SUGP1: variants seen among roughly 807,000 people sequenced by gnomAD.
SUGP1 encodes SURP and G-patch domain-containing protein 1.
A neutral mutation model predicts 76.5 loss-of-function variants in SUGP1; 34 were observed. The ratio of observed to expected loss-of-function variants is 0.44; its 90% CI spans 0.34 to 0.59. SUGP1 has a LOEUF of 0.59. SUGP1 is among the 20% of genes least tolerant of loss of function. The pLI is 0.01. For synonymous variants in SUGP1, 326 were observed against 326.2 expected, an observed-to-expected ratio of 1.00 and a Z score of 0.01; for missense variants, 752 against 851.7, an observed-to-expected ratio of 0.88 and a Z score of 1.46.
intron 2 of SUGP1, among the ~76,000 whole-genome samples, chr19:19,313,731 G>A (rs367722414): frequency 2.6e-4 from 39 of 152,030 alleles, no homozygotes; most frequent in African/African-American, 8.2e-4. Flanking sequence ...GGCCCGGCAC[G>A]GTGGCTCAAG....
Position 19,316,594 on chromosome 19 carries a change from C to T in SUGP1, c.35-1G>A. The T allele has an allele frequency of 6.2e-7, 1 of 1,613,818 alleles. No homozygotes were observed. Among genetic ancestry groups the T allele is most frequent in the Admixed American group, 1.7e-5 (1 of 59,982 alleles). On this transcript the variant is annotated splice_acceptor_variant, in intron 1 of 13. Coordinates refer to ENST00000247001, the MANE Select transcript of SUGP1 (RefSeq NM_172231.4). LOFTEE classifies it high-confidence loss of function. ...ACCCCAAACCACCGGTTAGCCTTTC[C>T]TGGGGAGGGAAAAGGAGTACGTCGG...
At chr19:19,284,258 G>C (rs1326208262) in intron 8 of SUGP1, among the ~76,000 whole-genome samples, 5 of 152,116 alleles carry the variant, frequency 3.3e-5, no homozygotes, top group Non-Finnish European at 7.3e-5. Context: ...GTGTGCCATT[G>C]CACTCCAACC....
chr19:19,280,078 G>A (rs984856373), intron 9 of SUGP1, 107 bp downstream of exon 9: 8 of 1,111,252 alleles, frequency 7.2e-6, no homozygotes, highest in Non-Finnish European at 1.0e-5. Context: ...CTGAACACAG[G>A]AGCTTGGCGA....
chr19:19,278,732 T>C lies in SUGP1; in HGVS notation c.1593A>G (p.Pro531=). 3.1e-6 allele frequency: 5 copies of C among 1,614,098 alleles called. No homozygotes were observed. Among genetic ancestry groups the C allele is most frequent in the Non-Finnish European group, 4.2e-6 (5 of 1,179,994 alleles). The change falls in exon 11 of 14, where the codon CCA becomes CCG. Residue 531 remains proline, a synonymous_variant. Transcript: ENST00000247001. ...GKHFIGDFLP[P]DELEKFMETF... ...TCTCCATAAACTTTTCCAGCTCGTCTGGAGGCAGGAAGTCTCCGATGAAGT... is the reference window on the plus strand; with the variant it reads ...TCTCCATAAACTTTTCCAGCTCGTCCGGAGGCAGGAAGTCTCCGATGAAGT...
chr19:19,308,383 G>C (rs535911768), intron 3 of SUGP1, among the ~76,000 whole-genome samples: 206 of 152,220 alleles, frequency 1.4e-3, no homozygotes, highest in Non-Finnish European at 2.3e-3. Context: ...GTTATCAGAC[G>C]TCTACCAAAG....
Position 19,280,216 on chromosome 19 carries a change from G to A in SUGP1, c.1319C>T (p.Ala440Val). ...CTGCTCCTTCAGCTGCTTCTTCTGGGCGTCTGAAAGCTCTGTGACGCCCAC... is the reference window on the plus strand; with the variant it reads ...CTGCTCCTTCAGCTGCTTCTTCTGGACGTCTGAAAGCTCTGTGACGCCCAC... ...GLVGVTELSD[A>V]QKKQLKEQQE... The change falls in exon 9 of 14, where the codon GCC becomes GTC. Residue 440 changes from alanine (A) to valine (V), a missense_variant. Transcript: ENST00000247001. 1 of 1,613,948 alleles carries A rather than the reference G, an allele frequency of 6.2e-7. No individual in the cohort carries two copies. Among genetic ancestry groups the A allele is most frequent in the Non-Finnish European group, 8.5e-7 (1 of 1,179,960 alleles).
Position 19,317,999 on chromosome 19 carries a change from T to C in SUGP1, c.35-1406A>G, listed in dbSNP as rs56341634. ...CTAATTTTTATATTTTTAGTACAGT[T>C]AGGATTTCGCCATGTTGTCCAGGCT... On this transcript the variant is annotated intron_variant, in intron 1 of 13. Transcript: ENST00000247001. Among the ~76,000 whole-genome samples the C allele has an allele frequency of 1.0e-2, 1,511 of 151,204 alleles. 27 individuals are homozygous for C. The highest frequency in any genetic ancestry group is 0.035 in the African/African-American group (1,456 of 41,144).
chr19:19,317,677 T>C (rs1053260556), intron 1 of SUGP1, among the ~76,000 whole-genome samples: 5 of 151,644 alleles, frequency 3.3e-5, no homozygotes, highest in African/African-American at 1.2e-4. Context: ...ACCACCTCAC[T>C]TGGCTAATTT....
At chr19:19,302,073 G>C (rs553577035) in intron 7 of SUGP1, 192 bp downstream of exon 7, 3 of 799,276 alleles carry the variant, frequency 3.8e-6, no homozygotes, top group Admixed American at 2.9e-5. Flanking sequence ...AGACTACCCA[G>C]GGGTGCTGGT....
chr19:19,278,417 T>C (rs2061070775), intron 11 of SUGP1, among the ~76,000 whole-genome samples: 1 of 152,178 alleles, frequency 6.6e-6, no homozygotes, highest in African/African-American at 2.4e-5. Context: ...GGAGAAACAC[T>C]TTGCCTGTAA....
chr19:19,297,413 G>GCAGTTCTGGCCTTCTGGGCAGGAT, intron 7 of SUGP1, 69 bp from the exon 8 acceptor site: 4 of 1,360,710 alleles, frequency 2.9e-6, no homozygotes, highest in Non-Finnish European at 3.0e-6. Flanking sequence ...CTGGGCAGGA[G>GCAGTTCTGGCCTTCTGGGCAGGAT]CAGTTCTGGC....
intron 5 of SUGP1, 85 bp from the exon 6 acceptor site, chr19:19,303,533 A>G: frequency 1.4e-6 from 2 of 1,429,278 alleles, no homozygotes; most frequent in Non-Finnish European, 9.8e-7. Flanking sequence ...GTGCAAAAAA[A>G]GGCAGGCTGG....
chr19:19,293,830 G>C (rs1211400380), intron 8 of SUGP1, among the ~76,000 whole-genome samples: 1 of 152,154 alleles, frequency 6.6e-6, no homozygotes, highest in African/African-American at 2.4e-5. Context: ...AGTTGGAAAA[G>C]AACCTGTAAA....
rs758942901 is a variant in SUGP1 at position 19,303,885 on chromosome 19, C to A, written c.539-38G>T. Reference sequence around the variant, plus strand: ...TGTCAGTACTGGGGTTCAACTCACACACCCCACAGTCAATAGGCACACTCT... The same window carrying A: ...TGTCAGTACTGGGGTTCAACTCACAAACCCCACAGTCAATAGGCACACTCT... On this transcript the variant is annotated intron_variant, in intron 4 of 13. Transcript: ENST00000247001. 33 of 1,612,592 alleles carry A rather than the reference C, an allele frequency of 2.0e-5. No individual in the cohort carries two copies. The African/African-American group carries it at 3.3e-4, about 16-fold the overall frequency.
At chr19:19,320,414 T>C in intron 1 of SUGP1, 49 bp downstream of exon 1, 2 of 1,600,398 alleles carry the variant, frequency 1.2e-6, no homozygotes, top group Non-Finnish European at 1.7e-6. Context: ...GGGAGACACC[T>C]AGCCCCAGGG....
rs118186245 is a variant in SUGP1, at chr19:19,297,943, G to A, written c.888-599C>T. Among the ~76,000 whole-genome samples, 294 of 152,294 alleles carry A rather than the reference G, an allele frequency of 1.9e-3. 11 individuals are homozygous for A. In the East Asian group the frequency reaches 0.048, roughly 25 times the overall value. On this transcript the variant is annotated intron_variant, in intron 7 of 13. Coordinates refer to ENST00000247001, the MANE Select transcript of SUGP1 (RefSeq NM_172231.4). ...GGCGCTGGGTTCAGAGCCATGTTCCGCACCTACTGGCGCCTCTCGGACCGT... is the reference window on the plus strand; with the variant it reads ...GGCGCTGGGTTCAGAGCCATGTTCCACACCTACTGGCGCCTCTCGGACCGT...
intron 8 of SUGP1, among the ~76,000 whole-genome samples, chr19:19,287,887 T>C (rs561802641): frequency 7.9e-5 from 12 of 152,290 alleles, no homozygotes; most frequent in Admixed American, 3.3e-4. Context: ...TTGTGAGATA[T>C]TCCCATAAAG....
chr19:19,282,552 T>C (rs938251531), intron 8 of SUGP1, among the ~76,000 whole-genome samples: 13 of 151,910 alleles, frequency 8.6e-5, no homozygotes, highest in Non-Finnish European at 1.8e-4. Flanking sequence ...CCGTTACCAA[T>C]GTGTGAGCAT....
At chr19:19,308,447 C>T (rs528865537) in intron 3 of SUGP1, among the ~76,000 whole-genome samples, 19 of 152,372 alleles carry the variant, frequency 1.2e-4, no homozygotes, top group African/African-American at 3.8e-4. Context: ...AGAGCACAGA[C>T]GTGGTCTGCT....
Sources: allele counts gnomAD v4.1 joint callset (sites outside exome capture counted in the v4.1 genomes callset), GRCh38; gene constraint gnomAD v4.1.1; transcripts MANE v1.5; gene names NCBI Gene and HGNC (gene_info 2026-07-23, HGNC 2026-07-21).